The following TNNI3K variants were observed in gnomAD, a reference collection of about 807,000 sequenced individuals.
TNNI3K encodes the protein serine/threonine-protein kinase TNNI3K.
TNNI3K carries 140 observed loss-of-function variants against 114.5 expected under a neutral mutation model. The observed-to-expected ratio is 1.22, with a 90% CI of 1.07 to 1.41. The LOEUF (loss-of-function observed/expected upper bound fraction) is 1.41. Among genes scored for constraint, TNNI3K ranks in the 40% most tolerant of loss-of-function variants. The pLI is 0.00. For synonymous variants in TNNI3K, 347 were observed against 347.5 expected, an observed-to-expected ratio of 1.00 and a Z score of 0.02; for missense variants, 1,125 against 1,007.6, an observed-to-expected ratio of 1.12 and a Z score of -1.58.
intron 5 of TNNI3K, among the ~76,000 whole-genome samples, chr1:74,308,969 A>T (rs1004889118): frequency 1.3e-5 from 2 of 152,198 alleles, no homozygotes; most frequent in African/African-American, 2.4e-5. Flanking sequence ...TTGAAACCTC[A>T]AACCAAACAA....
intron 21 of TNNI3K, chr1:74,469,135 G>C (rs1667796347): frequency 6.6e-6 from 1 of 152,490 alleles, no homozygotes; most frequent in Admixed American, 6.6e-5. Flanking sequence ...CTTTTGTTCA[G>C]GATCCATTGT....
intron 4 of TNNI3K, among the ~76,000 whole-genome samples, chr1:74,258,155 C>G (rs1369114299): frequency 6.6e-6 from 1 of 152,158 alleles, no homozygotes. Context: ...CACCATTCAC[C>G]TTTTAGCAAT....
chr1:74,247,395 C>T (rs1281883225), intron 2 of TNNI3K, among the ~76,000 whole-genome samples: 3 of 152,154 alleles, frequency 2.0e-5, no homozygotes, highest in Non-Finnish European at 4.4e-5. Context: ...CTTATAAAGG[C>T]AGTGCGGACC....
At chr1:74,354,874 G>A (rs1254062672) in intron 11 of TNNI3K, among the ~76,000 whole-genome samples, 1 of 152,106 alleles carries the variant, frequency 6.6e-6, no homozygotes, top group Non-Finnish European at 1.5e-5. Context: ...ATAACAGTGG[G>A]ACTACTAGTA....
In TNNI3K at chr1:74,363,245, A is replaced by G. The variant is rs142636596; in HGVS notation, c.1178-4011A>G. Among the ~76,000 whole-genome samples the G allele has an allele frequency of 2.2e-3, 327 of 151,998 alleles. 2 individuals are homozygous for G. The highest frequency in any genetic ancestry group is 0.01 in the Middle Eastern group (3 of 294). ...TTTAGTGGGTTTTGGGTTTCTTTCCATGTACTTTAGTGGCTTGTCAGAGCA... is the reference window on the plus strand; with the variant it reads ...TTTAGTGGGTTTTGGGTTTCTTTCCGTGTACTTTAGTGGCTTGTCAGAGCA... On this transcript the variant is annotated intron_variant, in intron 11 of 24. Coordinates refer to ENST00000326637, the MANE Select transcript of TNNI3K (RefSeq NM_015978.3).
intron 7 of TNNI3K, 133 bp from the exon 8 acceptor site, chr1:74,342,709 T>A: frequency 2.5e-6 from 3 of 1,207,112 alleles, no homozygotes; most frequent in South Asian, 1.5e-5. Context: ...CTTAATTTCC[T>A]TTATGATTAT....
intron 20 of TNNI3K, 60 bp from the exon 21 acceptor site, chr1:74,463,381 C>T (rs983439313): frequency 1.9e-6 from 3 of 1,572,756 alleles, no homozygotes; most frequent in African/African-American, 2.7e-5. Flanking sequence ...TGTGTGTCTT[C>T]ATTTGTTGCT....
At chr1:74,475,827 G>A (rs1668177856) in intron 21 of TNNI3K, 1 of 563,154 alleles carries the variant, frequency 1.8e-6, no homozygotes, top group Admixed American at 3.2e-5. Context: ...CAAATAGAGA[G>A]ACCATTAAAA....
intron 5 of TNNI3K, among the ~76,000 whole-genome samples, chr1:74,298,666 C>T (rs901381664): frequency 3.9e-5 from 6 of 151,948 alleles, no homozygotes; most frequent in African/African-American, 9.7e-5. Flanking sequence ...TAAGTTTGGA[C>T]GATGAAAACT....
Position 74,369,021 on chromosome 1 carries a change from G to C in TNNI3K, c.1322-1G>C. 1.3e-6 allele frequency: 2 copies of C among 1,596,272 alleles called. No homozygotes were observed. The highest frequency in any genetic ancestry group is 1.7e-6 in the Non-Finnish European group (2 of 1,173,326). ...AATAAAATGACAATTTCTCTTTGCA[G>C]AGAAGGCAGATATTCTCCTCCTAAG... is the stretch of plus-strand genomic sequence containing the variant. On this transcript the variant is annotated splice_acceptor_variant, in intron 13 of 24. Transcript: ENST00000326637. LOFTEE classifies it high-confidence loss of function.
intron 17 of TNNI3K, among the ~76,000 whole-genome samples, chr1:74,422,532 G>A (rs1157972545): frequency 2.6e-5 from 4 of 151,996 alleles, no homozygotes; most frequent in Non-Finnish European, 5.9e-5. Context: ...TTGAACCCAA[G>A]TCTCCACTTC....
At chr1:74,454,490 C>T (rs1667151586) in intron 20 of TNNI3K, among the ~76,000 whole-genome samples, 1 of 152,132 alleles carries the variant, frequency 6.6e-6, no homozygotes, top group African/African-American at 2.4e-5. Context: ...CTGTGCCTGG[C>T]TTATTTCACT....
At chr1:74,250,218 T>C (rs539193550) in intron 3 of TNNI3K, among the ~76,000 whole-genome samples, 5 of 152,192 alleles carry the variant, frequency 3.3e-5, no homozygotes, top group African/African-American at 4.8e-5. Context: ...CCAAACAGAC[T>C]CTGCTTAACA....
chr1:74,265,140 G>A (rs1156798822), intron 4 of TNNI3K, among the ~76,000 whole-genome samples: 2 of 151,906 alleles, frequency 1.3e-5, no homozygotes, highest in African/African-American at 2.4e-5. Flanking sequence ...TTACATTAAA[G>A]AAACACATTT....
At chr1:74,243,676 G>A (rs1024866009) in intron 2 of TNNI3K, among the ~76,000 whole-genome samples, 6 of 152,098 alleles carry the variant, frequency 3.9e-5, no homozygotes, top group Admixed American at 2.6e-4. Context: ...ACTTTTCTAG[G>A]TCAAAGGTAA....
intron 17 of TNNI3K, among the ~76,000 whole-genome samples, chr1:74,405,563 G>A (rs1030600661): frequency 6.6e-6 from 1 of 152,096 alleles, no homozygotes; most frequent in Non-Finnish European, 1.5e-5. Flanking sequence ...TTACAAAATA[G>A]CACTTAAAAG....
chr1:74,329,328 A>T (rs747065881), intron 5 of TNNI3K, among the ~76,000 whole-genome samples: 3 of 152,080 alleles, frequency 2.0e-5, no homozygotes, highest in Non-Finnish European at 4.4e-5. Context: ...CCTCAATAAA[A>T]GCTCATTGTG....
rs138180951 is a variant in TNNI3K at position 74,522,120 on chromosome 1, T to TA, written c.2352-18106dup. Among the ~76,000 whole-genome samples the TA allele has an allele frequency of 2.8e-3, 425 of 152,158 alleles. 4 individuals carry two copies. The highest frequency in any genetic ancestry group is 9.3e-3 in the African/African-American group (387 of 41,516). ...TTCGCTGGCCAGGGATTGTTCTTTTTAAAAAAAATCTGGTTCAGGCACTAT... is the reference window on the plus strand; with the variant it reads ...TTCGCTGGCCAGGGATTGTTCTTTTTAAAAAAAAATCTGGTTCAGGCACTAT... On this transcript the variant is annotated intron_variant, in intron 23 of 24. Coordinates refer to ENST00000326637, the MANE Select transcript of TNNI3K (RefSeq NM_015978.3).
intron 4 of TNNI3K, among the ~76,000 whole-genome samples, chr1:74,264,152 TTC>T (rs1266506247): frequency 1.3e-5 from 2 of 151,378 alleles, no homozygotes; most frequent in African/African-American, 4.8e-5. Flanking sequence ...AGTATGTTAC[TTC>T]TCTTTTTTTC....
Sources: allele counts gnomAD v4.1 joint callset (sites outside exome capture counted in the v4.1 genomes callset), GRCh38; gene constraint gnomAD v4.1.1; transcripts MANE v1.5; gene names NCBI Gene and HGNC (gene_info 2026-07-23, HGNC 2026-07-21).